CNNM4: variants seen among roughly 807,000 people sequenced by gnomAD.
CNNM4 encodes metal transporter CNNM4.
A neutral mutation model predicts 53.7 loss-of-function variants in CNNM4; 32 were observed. The observed-to-expected ratio is 0.60, with a 90% CI of 0.45 to 0.80. CNNM4 has a LOEUF of 0.80. Among genes scored for constraint, CNNM4 ranks in the 30% least tolerant of loss-of-function variants. The pLI, the probability that CNNM4 is intolerant of heterozygous loss-of-function variation, is 0.00. For missense variants in CNNM4, 784 were observed against 1,022.0 expected (o/e 0.77, Z 3.17); for synonymous variants, 410 against 440.0 (o/e 0.93, Z 0.85).
intron 3 of CNNM4, chr2:96,798,480 CTCTTT>C (rs915060009): frequency 8.0e-4 from 134 of 166,800 alleles, no homozygotes; most frequent in African/African-American, 2.9e-3. Flanking sequence ...AGACATTTCT[CTCTTT>C]TCAGCCCTGA....
In CNNM4 at chr2:96,799,238, C is replaced by A; in HGVS notation, c.1851+12C>A. ...TCCTCATCCTGCAGGTGAGCCCGCT[C>A]AGCCCTGGGCCTGCCACCTGCTCCC... On this transcript the variant is annotated intron_variant, in intron 4 of 6. Transcript: ENST00000377075. The A allele has an allele frequency of 6.2e-7, 1 of 1,614,132 alleles. No homozygotes were observed. Among genetic ancestry groups the A allele is most frequent in the Non-Finnish European group, 8.5e-7 (1 of 1,180,014 alleles).
At chr2:96,783,190 G>C (rs1464317160) in intron 1 of CNNM4, among the ~76,000 whole-genome samples, 1 of 152,208 alleles carries the variant, frequency 6.6e-6, no homozygotes, top group Non-Finnish European at 1.5e-5. Flanking sequence ...ATTGAGCAAA[G>C]GTACAGCGGG....
intron 1 of CNNM4, among the ~76,000 whole-genome samples, chr2:96,783,195 A>G (rs950349242): frequency 2.0e-5 from 3 of 152,210 alleles, no homozygotes; most frequent in African/African-American, 7.2e-5. Context: ...GCAAAGGTAC[A>G]GCGGGGAAGG....
chr2:96,804,384 G>A (rs1238474781), intron 5 of CNNM4, among the ~76,000 whole-genome samples: 1 of 148,876 alleles, frequency 6.7e-6, no homozygotes, highest in East Asian at 2.0e-4. Context: ...CGTGCGCCAG[G>A]AACCCCCAGC....
At chr2:96,782,094 T>A (rs7586317) in intron 1 of CNNM4, among the ~76,000 whole-genome samples, 69,109 of 152,012 alleles carry the variant, frequency 0.45, 17,055 homozygotes, top group African/African-American at 0.65. Flanking sequence ...TAACTTAGTG[T>A]CATTATTCTA....
chr2:96,774,157 G>C (rs1446100093), intron 1 of CNNM4, among the ~76,000 whole-genome samples: 1 of 152,200 alleles, frequency 6.6e-6, no homozygotes, highest in Non-Finnish European at 1.5e-5. Flanking sequence ...CCTGTGGGAG[G>C]GGGCAGGGGA....
chr2:96,768,437 G>T (rs1448044038), intron 1 of CNNM4, among the ~76,000 whole-genome samples: 1 of 152,162 alleles, frequency 6.6e-6, no homozygotes, highest in Non-Finnish European at 1.5e-5. Flanking sequence ...TAGCTGCACA[G>T]AGCTCACAGA....
chr2:96,770,320 C>T (rs1244961793), intron 1 of CNNM4, among the ~76,000 whole-genome samples: 1 of 152,170 alleles, frequency 6.6e-6, no homozygotes, highest in Non-Finnish European at 1.5e-5. Context: ...CGGGAAGCAC[C>T]GAGCAGATGT....
At chr2:96,788,607 G>A (rs1425384708) in intron 1 of CNNM4, 1 of 152,346 alleles carries the variant, frequency 6.6e-6, no homozygotes, top group Admixed American at 6.5e-5. Context: ...CGGGAGCTTG[G>A]GTGAAGGGAG....
rs114316219 is a variant in CNNM4 at position 96,769,788 on chromosome 2, G to A, written c.1402+7387G>A. Among the ~76,000 whole-genome samples, 408 of 152,286 alleles carry A rather than the reference G, an allele frequency of 2.7e-3. 1 individual carries two copies. Among genetic ancestry groups the A allele is most frequent in the Non-Finnish European group, 4.8e-3 (329 of 68,030 alleles). The stretch of plus-strand genomic sequence containing the variant: ...CCAGCGAGAGCAGCCTCGGACAAGT[G>A]GTGCCCGAAGGCAGCTTTGCACCGG... On this transcript the variant is annotated intron_variant, in intron 1 of 6. Transcript: ENST00000377075.
At chr2:96,764,239 C>T (rs2078792728) in intron 1 of CNNM4, among the ~76,000 whole-genome samples, 1 of 152,162 alleles carries the variant, frequency 6.6e-6, no homozygotes, top group Non-Finnish European at 1.5e-5. Context: ...CTTGAGAGGG[C>T]TGTCTTTGGG....
rs1558993255 is a variant in CNNM4, at chr2:96,797,512, G to C, written c.1547-1G>C. ...TCAATTCCACGCTCTTCTTCCGGCA[G>C]CTGACAACCGAAGCCGGAAGCGGGT... On this transcript the variant is annotated splice_acceptor_variant, in intron 2 of 6. Coordinates refer to ENST00000377075, the MANE Select transcript of CNNM4 (RefSeq NM_020184.4). LOFTEE classifies it high-confidence loss of function. The surrounding 1 kb of genome is among the most constrained non-coding windows in gnomAD (Gnocchi z 6.0). The C allele has an allele frequency of 6.2e-7, 1 of 1,613,904 alleles. No individual in the cohort carries two copies. The highest frequency in any genetic ancestry group is 8.5e-7 in the Non-Finnish European group (1 of 1,180,042).
chr2:96,808,803 T>C lies in CNNM4; in HGVS notation c.2130+61T>C. 1 of 1,550,972 alleles carries C rather than the reference T, an allele frequency of 6.4e-7. No individual in the cohort carries two copies. Among genetic ancestry groups the C allele is most frequent in the Non-Finnish European group, 8.9e-7 (1 of 1,124,424 alleles). Reference sequence around the variant, plus strand: ...CTTCTGCTCAGGAATCAGCTACTACTTTCATCCACCAAACCCAGCATGGTG... The same window carrying C: ...CTTCTGCTCAGGAATCAGCTACTACCTTCATCCACCAAACCCAGCATGGTG... On this transcript the variant is annotated intron_variant, in intron 6 of 6. Coordinates refer to ENST00000377075, the MANE Select transcript of CNNM4 (RefSeq NM_020184.4). This position sits in a 1 kb window ranked among gnomAD's most constrained non-coding sequence, Gnocchi z 4.9.
intron 5 of CNNM4, among the ~76,000 whole-genome samples, chr2:96,805,418 G>GTT (rs898761608): frequency 0.069 from 5,249 of 76,038 alleles, 314 homozygotes; most frequent in African/African-American, 0.2. Context: ...CTTCTTTTCA[G>GTT]TTTTTTTTTT....
intron 1 of CNNM4, among the ~76,000 whole-genome samples, chr2:96,790,739 G>A (rs2079055285): frequency 6.6e-6 from 1 of 151,410 alleles, no homozygotes; most frequent in African/African-American, 2.4e-5. Flanking sequence ...CAGCACTTTG[G>A]GAGGCCGAGG....
At chr2:96,775,461 T>A (rs2078916074) in intron 1 of CNNM4, among the ~76,000 whole-genome samples, 1 of 152,222 alleles carries the variant, frequency 6.6e-6, no homozygotes, top group African/African-American at 2.4e-5. Context: ...GACATTGCAT[T>A]GTTTGCAGTT....
chr2:96,796,653 C>T (rs936793617), intron 1 of CNNM4, among the ~76,000 whole-genome samples: 6 of 151,890 alleles, frequency 4.0e-5, no homozygotes, highest in Non-Finnish European at 8.8e-5. Flanking sequence ...CTCAGCTACT[C>T]GGGAGGCTGA....
At chr2:96,776,287 G>A (rs1176707050) in intron 1 of CNNM4, among the ~76,000 whole-genome samples, 2 of 150,578 alleles carry the variant, frequency 1.3e-5, no homozygotes, top group Non-Finnish European at 3.0e-5. Context: ...CTCGGCCTCC[G>A]AAAGTGCTGG....
chr2:96,794,477 C>T lies in CNNM4; in HGVS notation c.1403-2535C>T, dbSNP rs117349736. Reference sequence around the variant, plus strand: ...GCAGATGGCTCCATGCATTCTGTTCCGTGACTTGCTCTTTCACTAATAGCG... The same window carrying T: ...GCAGATGGCTCCATGCATTCTGTTCTGTGACTTGCTCTTTCACTAATAGCG... On this transcript the variant is annotated intron_variant, in intron 1 of 6. Coordinates refer to ENST00000377075, the MANE Select transcript of CNNM4 (RefSeq NM_020184.4). 1.5e-4 allele frequency among the ~76,000 whole-genome samples: 23 copies of T among 152,262 alleles called. No individual in the cohort carries two copies. The East Asian group carries it at 4.4e-3, about 29-fold the overall frequency.
Sources: allele counts gnomAD v4.1 joint callset (sites outside exome capture counted in the v4.1 genomes callset), GRCh38; gene constraint gnomAD v4.1.1; non-coding constraint Gnocchi (gnomAD v3.1); transcripts MANE v1.5; gene names NCBI Gene and HGNC (gene_info 2026-07-23, HGNC 2026-07-21).